RYR2: variants seen among roughly 807,000 people sequenced by gnomAD.
The protein encoded by RYR2 is cardiac muscle ryanodine receptor-calcium release channel.
In RYR2, 227 loss-of-function variants were observed where a neutral mutation model predicts 601.1. The observed-to-expected ratio is 0.38, with a 90% CI of 0.34 to 0.42. RYR2 has a LOEUF of 0.42. RYR2 is among the 10% of genes least tolerant of loss of function. The probability of loss-of-function intolerance (pLI) is 1.00; values close to 1 mark genes in which losing one functional copy is unlikely to be tolerated. For missense variants in RYR2, 4,646 were observed against 6,156.5 expected, an observed-to-expected ratio of 0.75 and a Z score of 8.21; for synonymous variants, 2,223 against 2,175.1, an observed-to-expected ratio of 1.02 and a Z score of -0.61.
chr1:237,321,089 G>A (rs1695588454), intron 2 of RYR2, among the ~76,000 whole-genome samples: 1 of 151,986 alleles, frequency 6.6e-6, no homozygotes, highest in African/African-American at 2.4e-5. Context: ...TTTAGGCTAA[G>A]CAGATAGGTC....
intron 10 of RYR2, among the ~76,000 whole-genome samples, chr1:237,395,263 T>G (rs1451333709): frequency 6.6e-6 from 1 of 152,176 alleles, no homozygotes; most frequent in Non-Finnish European, 1.5e-5. Context: ...CATTCAACCA[T>G]GTGAGAAAGA....
chr1:237,548,218 T>TA (rs1670022159), intron 25 of RYR2, among the ~76,000 whole-genome samples: 1 of 152,186 alleles, frequency 6.6e-6, no homozygotes, highest in Non-Finnish European at 1.5e-5. Context: ...CTTATTGGTG[T>TA]AAAAACAAAA....
intron 17 of RYR2, among the ~76,000 whole-genome samples, chr1:237,475,559 G>A (rs1279067138): frequency 1.3e-5 from 2 of 152,168 alleles, no homozygotes; most frequent in Non-Finnish European, 2.9e-5. Context: ...ATCATTTATA[G>A]TGGAAGTGGA....
chr1:237,081,542 C>CAT (rs1665662437), intron 1 of RYR2, among the ~76,000 whole-genome samples: 3 of 151,444 alleles, frequency 2.0e-5, no homozygotes, highest in African/African-American at 7.3e-5. Context: ...TGCATGTATA[C>CAT]ATATATATCA....
intron 1 of RYR2, among the ~76,000 whole-genome samples, chr1:237,120,349 C>A (rs1670637169): frequency 1.3e-5 from 2 of 152,156 alleles, no homozygotes; most frequent in South Asian, 4.1e-4. Flanking sequence ...TCCAACAATT[C>A]TGGACTATTT....
At chr1:237,399,511 G>A (rs1460684403) in intron 10 of RYR2, among the ~76,000 whole-genome samples, 2 of 152,168 alleles carry the variant, frequency 1.3e-5, no homozygotes, top group African/African-American at 4.8e-5. Flanking sequence ...TAAATGCTGA[G>A]TGCCATGAAG....
chr1:237,383,334 G>T (rs1266397948), intron 8 of RYR2, among the ~76,000 whole-genome samples: 5 of 150,778 alleles, frequency 3.3e-5, no homozygotes, highest in Admixed American at 1.3e-4. Context: ...TGTTACTCTT[G>T]GATCAGCAGT....
At chr1:237,716,051 A>C (rs1423379567) in intron 71 of RYR2, among the ~76,000 whole-genome samples, 3 of 152,118 alleles carry the variant, frequency 2.0e-5, no homozygotes, top group Non-Finnish European at 4.4e-5. Flanking sequence ...TTTGGAACAG[A>C]AGTATAATTC....
rs143947691 is a variant in RYR2, at chr1:237,702,810, G to A, written c.9449+751G>A. Among the ~76,000 whole-genome samples, 29 of 151,954 alleles carry A rather than the reference G, an allele frequency of 1.9e-4. No individual in the cohort carries two copies. In the East Asian group the frequency reaches 5.4e-3, roughly 28 times the overall value. ...AAGAGTAATGAACAGGTACTCATTT[G>A]GCCTACCAAATATTAAAACCTATAA... is the stretch of plus-strand genomic sequence containing the variant. On this transcript the variant is annotated intron_variant, in intron 66 of 104. Coordinates refer to ENST00000366574, the MANE Select transcript of RYR2 (RefSeq NM_001035.3).
chr1:237,542,878 C>T (rs937908124), intron 25 of RYR2, among the ~76,000 whole-genome samples: 5 of 152,170 alleles, frequency 3.3e-5, no homozygotes, highest in Admixed American at 3.3e-4. Context: ...AAGATAGAAG[C>T]TCACTTTGGC....
chr1:237,662,221 T>C (rs1349531733), intron 56 of RYR2, among the ~76,000 whole-genome samples: 2 of 152,138 alleles, frequency 1.3e-5, no homozygotes, highest in African/African-American at 4.8e-5. Flanking sequence ...GTATCATATA[T>C]GGATGGAAGC....
intron 2 of RYR2, among the ~76,000 whole-genome samples, chr1:237,325,798 C>T (rs1292142808): frequency 1.3e-5 from 2 of 152,062 alleles, no homozygotes; most frequent in Non-Finnish European, 2.9e-5. Context: ...AGAGAATTTT[C>T]AGTTTTCCAG....
At chr1:237,623,989 G>T in intron 39 of RYR2, 119 bp downstream of exon 39, 1 of 679,902 alleles carries the variant, frequency 1.5e-6, no homozygotes, top group Non-Finnish European at 2.5e-6. Flanking sequence ...CTGTTAGAAA[G>T]TTATATAAAA....
At chr1:237,609,773 C>A (rs947817727) in intron 35 of RYR2, among the ~76,000 whole-genome samples, 2 of 152,062 alleles carry the variant, frequency 1.3e-5, no homozygotes, top group Admixed American at 1.3e-4. Context: ...GTCCCCCAAA[C>A]CCCCAGGCCC....
At chr1:237,706,445 A>G (rs574464604) in intron 67 of RYR2, among the ~76,000 whole-genome samples, 1 of 152,314 alleles carries the variant, frequency 6.6e-6, no homozygotes, top group East Asian at 1.9e-4. Flanking sequence ...TTTGCTGCAC[A>G]GTGAAAAGCA....
chr1:237,598,246 C>G (rs555121183), intron 34 of RYR2, among the ~76,000 whole-genome samples: 1 of 152,254 alleles, frequency 6.6e-6, no homozygotes, highest in Admixed American at 6.5e-5. Flanking sequence ...TCAACAACAG[C>G]AGATAATCCA....
intron 12 of RYR2, among the ~76,000 whole-genome samples, chr1:237,428,692 A>C (rs2150085545): frequency 1.3e-5 from 2 of 151,970 alleles, no homozygotes; most frequent in East Asian, 3.9e-4. Flanking sequence ...GGTGCCGCAA[A>C]CCACCATGGC....
At position 237,655,893 on chromosome 1, in the gene RYR2, T is replaced by C. The variant is rs181732213; in HGVS notation, c.8038T>C (p.Tyr2680His). ...AGTTGCGGGAGCTTTGCCTCCAGAC[T>C]ACATGGAGTCAAATTATGTCAGTAT... is the stretch of plus-strand genomic sequence containing the variant. ...SAVAGALPPD[Y>H]MESNYVSMME... Residue 2680 changes from tyrosine (Y) to histidine (H), a missense_variant, in exon 53 of 105, where the codon TAC becomes CAC. Physicochemically the swap from Tyr to His is moderately conservative, Grantham distance 83 (BLOSUM62 2). Around this residue, in one of 17 missense-constraint regions of RYR2, gnomAD observed 1,497 missense variants for 1,842.6 expected, o/e 0.81. Transcript: ENST00000366574. 1 of 1,611,540 alleles carries C rather than the reference T, an allele frequency of 6.2e-7. No homozygotes were observed. The highest frequency in any genetic ancestry group is 8.5e-7 in the Non-Finnish European group (1 of 1,178,584).
intron 1 of RYR2, among the ~76,000 whole-genome samples, chr1:237,122,597 G>A (rs924980112): frequency 1.3e-5 from 2 of 152,098 alleles, no homozygotes; most frequent in African/African-American, 4.8e-5. Context: ...CACAAGAATC[G>A]CTTGAACCTA....
Sources: gnomAD v4.1 joint callset for allele counts (sites outside exome capture counted in the v4.1 genomes callset) on GRCh38, gnomAD v4.1.1 for gene constraint, gnomAD v4.1.1 regional missense constraint, MANE v1.5 for transcripts, NCBI Gene and HGNC (gene_info 2026-07-23, HGNC 2026-07-21) for gene names.